Variants in AUTS2 observed in about 807,000 individuals in gnomAD.
AUTS2 encodes activator of transcription and developmental regulator AUTS2.
In AUTS2, 17 loss-of-function variants were observed where a neutral mutation model predicts 112.4. The observed-to-expected ratio is 0.15, with a 90% CI of 0.10 to 0.23. The LOEUF (loss-of-function observed/expected upper bound fraction) is 0.23, where lower values mean the gene tolerates loss of function less well. Ranked by LOEUF, AUTS2 falls within the 10% of genes least tolerant of loss-of-function variation. AUTS2 has a pLI of 1.00. For synonymous variants in AUTS2, 751 were observed against 702.7 expected (o/e 1.07, Z -1.09); for missense variants, 1,510 against 1,701.6 (o/e 0.89, Z 1.98).
intron 1 of AUTS2, among the ~76,000 whole-genome samples, chr7:69,670,146 T>C (rs1220841195): frequency 1.3e-5 from 2 of 152,052 alleles, no homozygotes; most frequent in African/African-American, 4.8e-5. Flanking sequence ...TAAGGTTGAG[T>C]CTTGGAATTC....
chr7:69,934,138 G>A (rs1197816990), intron 2 of AUTS2, among the ~76,000 whole-genome samples: 1 of 152,178 alleles, frequency 6.6e-6, no homozygotes, highest in Non-Finnish European at 1.5e-5. Flanking sequence ...GTGGGAATTA[G>A]AAAGTTCAGA....
chr7:70,299,904 A>G (rs1427192670), intron 4 of AUTS2, among the ~76,000 whole-genome samples: 1 of 151,628 alleles, frequency 6.6e-6, no homozygotes, highest in African/African-American at 2.4e-5. Flanking sequence ...TTTTTTCTAC[A>G]TTGGAGACCA....
intron 2 of AUTS2, among the ~76,000 whole-genome samples, chr7:69,977,831 A>G (rs933964242): frequency 3.9e-5 from 6 of 152,214 alleles, no homozygotes; most frequent in African/African-American, 1.4e-4. Context: ...TGAGACCTAT[A>G]AAATGAAAAC....
chr7:69,825,697 C>T (rs763145367), intron 1 of AUTS2: 2 of 152,072 alleles, frequency 1.3e-5, no homozygotes, highest in Non-Finnish European at 2.9e-5. Flanking sequence ...GATGTACTAG[C>T]CTTTTTACTT....
chr7:70,338,795 A>G (rs1052458519), intron 4 of AUTS2, among the ~76,000 whole-genome samples: 2 of 151,866 alleles, frequency 1.3e-5, no homozygotes, highest in African/African-American at 4.8e-5. Context: ...ATGACTCTCT[A>G]CTAGGCTGTT....
At chr7:70,316,204 A>C (rs1789987212) in intron 4 of AUTS2, among the ~76,000 whole-genome samples, 1 of 152,212 alleles carries the variant, frequency 6.6e-6, no homozygotes. Context: ...TTAGTTGTAG[A>C]AAAAAGAGAT....
chr7:69,602,663 T>C (rs1048408025), intron 1 of AUTS2, among the ~76,000 whole-genome samples: 6 of 152,222 alleles, frequency 3.9e-5, no homozygotes, highest in Non-Finnish European at 5.9e-5. Context: ...AGCAGTATTA[T>C]CACACTTAAA....
At chr7:70,697,248 G>A (rs1215588968) in intron 5 of AUTS2, among the ~76,000 whole-genome samples, 4 of 151,682 alleles carry the variant, frequency 2.6e-5, no homozygotes, top group African/African-American at 7.3e-5. Flanking sequence ...ATCTATCTAG[G>A]GTTTATGTTA....
intron 1 of AUTS2, among the ~76,000 whole-genome samples, chr7:69,786,220 A>T (rs1382916833): frequency 6.6e-6 from 1 of 152,098 alleles, no homozygotes; most frequent in Non-Finnish European, 1.5e-5. Context: ...GAAATGCAGC[A>T]ATCAGCACTC....
At chr7:70,607,773 T>G (rs1803863172) in intron 5 of AUTS2, among the ~76,000 whole-genome samples, 1 of 152,202 alleles carries the variant, frequency 6.6e-6, no homozygotes, top group African/African-American at 2.4e-5. Flanking sequence ...CCACAGATAT[T>G]TATATTTAGG....
intron 2 of AUTS2, among the ~76,000 whole-genome samples, chr7:70,115,614 A>G (rs1805316932): frequency 6.6e-6 from 1 of 152,268 alleles, no homozygotes; most frequent in Non-Finnish European, 1.5e-5. Flanking sequence ...TGTCAAATGT[A>G]AACATCTAAC....
At chr7:70,609,135 G>A (rs866358866) in intron 5 of AUTS2, among the ~76,000 whole-genome samples, 1 of 152,088 alleles carries the variant, frequency 6.6e-6, no homozygotes, top group Admixed American at 6.6e-5. Context: ...ATTATCTATA[G>A]TCACCATGTT....
chr7:69,753,586 G>A (rs1489033044), intron 1 of AUTS2, among the ~76,000 whole-genome samples: 1 of 152,124 alleles, frequency 6.6e-6, no homozygotes, highest in African/African-American at 2.4e-5. Context: ...GATGTGTGAG[G>A]GTGCAATATG....
At chr7:70,004,169 TA>T (rs1799403376) in intron 2 of AUTS2, among the ~76,000 whole-genome samples, 1 of 110,666 alleles carries the variant, frequency 9.0e-6, no homozygotes, top group Non-Finnish European at 1.7e-5. Flanking sequence ...TGAATATATA[TA>T]ATATGAATGT....
intron 6 of AUTS2, among the ~76,000 whole-genome samples, chr7:70,729,968 C>T (rs573902362): frequency 3.3e-5 from 5 of 152,184 alleles, no homozygotes; most frequent in South Asian, 2.1e-4. Context: ...CTGCAACCTC[C>T]GCCTCCCGGG....
chr7:70,553,640 A>T (rs1247773299), intron 5 of AUTS2, among the ~76,000 whole-genome samples: 3 of 151,980 alleles, frequency 2.0e-5, no homozygotes, highest in African/African-American at 7.2e-5. Context: ...TTTGGCAACT[A>T]TAGCAGGAAC....
In AUTS2 at chr7:70,791,222, CTTTTTGTTTCTCGTAT is replaced by C; in HGVS notation, c.*227_*242del. 1 of 357,096 alleles carries C rather than the reference CTTTTTGTTTCTCGTAT, an allele frequency of 2.8e-6. No individual in the cohort carries two copies. Among genetic ancestry groups the C allele is most frequent in the Non-Finnish European group, 4.6e-6 (1 of 215,440 alleles). The allele number at this position is 357,096 out of a possible 1,614,324, so 22.1% of individuals were successfully genotyped here. A position where few individuals can be genotyped will look rare whatever the true frequency, so the allele number is the denominator to read the frequency against. On this transcript the variant is annotated 3_prime_UTR_variant, in exon 19 of 19. Transcript: ENST00000342771. ...CAGTCATATGTTCTCACGTCTCCTA[CTTTTTGTTTCTCGTAT>C]AAAACTTTTTGATTTGAACCAAAAC...
intron 2 of AUTS2, among the ~76,000 whole-genome samples, chr7:70,035,931 G>T (rs552105266): frequency 1.3e-4 from 20 of 152,268 alleles, no homozygotes; most frequent in African/African-American, 4.8e-4. Context: ...GAAAAATATA[G>T]ACATGGTTCC....
At chr7:69,713,263 AC>A (rs1270036743) in intron 1 of AUTS2, among the ~76,000 whole-genome samples, 2 of 152,178 alleles carry the variant, frequency 1.3e-5, no homozygotes, top group African/African-American at 4.8e-5. Context: ...GATTTTGAAT[AC>A]TACAATATAC....
Sources: gnomAD v4.1 joint callset for allele counts (sites outside exome capture counted in the v4.1 genomes callset) on GRCh38, gnomAD v4.1.1 for gene constraint, MANE v1.5 for transcripts, NCBI Gene and HGNC (gene_info 2026-07-23, HGNC 2026-07-21) for gene names.